The following EIF2AK2 variants were observed in gnomAD, a reference collection of about 807,000 sequenced individuals.
The protein encoded by EIF2AK2 is eukaryotic translation initiation factor 2 alpha kinase 2, also known as interferon-induced, double-stranded RNA-activated protein kinase.
In EIF2AK2, 40 loss-of-function variants were observed where a neutral mutation model predicts 70.5. That is an observed-to-expected ratio of 0.57 (90% CI 0.44 to 0.74). The LOEUF (loss-of-function observed/expected upper bound fraction) is 0.74. Ranked by LOEUF, EIF2AK2 falls within the 30% of genes least tolerant of loss-of-function variation. The pLI is 0.00. For missense variants in EIF2AK2, 555 were observed against 644.3 expected, an observed-to-expected ratio of 0.86 and a Z score of 1.50; for synonymous variants, 198 against 220.9, an observed-to-expected ratio of 0.90 and a Z score of 0.92.
rs1673936403 is a variant in EIF2AK2, at chr2:37,105,545, A to T, written c.*1728T>A. The stretch of plus-strand genomic sequence containing the variant: ...CGGGGAAGAAGCAGATGCTGGTGCC[A>T]TGTTTCTTGTACAGCCTGCAGAACT... On this transcript the variant is annotated 3_prime_UTR_variant, in exon 17 of 17. Coordinates refer to ENST00000233057, the MANE Select transcript of EIF2AK2 (RefSeq NM_001135651.3). 6.6e-6 allele frequency: 1 copy of T among 152,300 alleles called. No individual in the cohort carries two copies. Among genetic ancestry groups the T allele is most frequent in the Admixed American group, 6.5e-5 (1 of 15,280 alleles). 9.4% of individuals were successfully genotyped at this position (152,300 alleles called of 1,614,324 possible). A position where few individuals can be genotyped will look rare whatever the true frequency, so the allele number is the denominator to read the frequency against.
chr2:37,120,896 A>G (rs1674520419), intron 12 of EIF2AK2, among the ~76,000 whole-genome samples: 1 of 148,822 alleles, frequency 6.7e-6, no homozygotes, highest in Admixed American at 6.9e-5. Context: ...CCCAGAAGGC[A>G]GAGATTGCAG....
intron 10 of EIF2AK2, 119 bp downstream of exon 10, chr2:37,135,365 T>C (rs1675091245): frequency 1.3e-6 from 1 of 791,746 alleles, no homozygotes; most frequent in Non-Finnish European, 2.1e-6. Flanking sequence ...TTACCCTGCG[T>C]AGTTAATCTT....
At chr2:37,148,151 C>G (rs1675619835) in intron 2 of EIF2AK2, among the ~76,000 whole-genome samples, 1 of 152,076 alleles carries the variant, frequency 6.6e-6, no homozygotes, top group Admixed American at 6.6e-5. Context: ...AACCCCATCT[C>G]AATTTTGAAA....
At chr2:37,154,705 C>G (rs4670664) in intron 1 of EIF2AK2, among the ~76,000 whole-genome samples, 62,414 of 151,590 alleles carry the variant, frequency 0.41, 13,523 homozygotes, top group East Asian at 0.77. Flanking sequence ...GGATTACAGG[C>G]GCCCACCACC....
chr2:37,107,690 C>G (rs1245402752), intron 15 of EIF2AK2, among the ~76,000 whole-genome samples, 163 bp from the exon 16 acceptor site: 2 of 152,154 alleles, frequency 1.3e-5, no homozygotes, highest in Non-Finnish European at 2.9e-5. Context: ...TACACTACCC[C>G]CAATCTAATA....
chr2:37,107,612 T>C (rs1674006827), intron 15 of EIF2AK2, 85 bp from the exon 16 acceptor site: 1 of 1,444,264 alleles, frequency 6.9e-7, no homozygotes, highest in African/African-American at 1.4e-5. Context: ...ATACCTGAAA[T>C]GTAGGATATT....
At chr2:37,152,900 C>T (rs755984160) in intron 1 of EIF2AK2, among the ~76,000 whole-genome samples, 1 of 152,212 alleles carries the variant, frequency 6.6e-6, no homozygotes, top group African/African-American at 2.4e-5. Context: ...CACCATCTAT[C>T]CAAGTCTGAA....
intron 10 of EIF2AK2, among the ~76,000 whole-genome samples, chr2:37,131,202 C>A (rs955496434): frequency 2.0e-5 from 3 of 152,180 alleles, no homozygotes; most frequent in Non-Finnish European, 2.9e-5. Context: ...CTAAAATGTG[C>A]CTTATTACAG....
chr2:37,130,910 C>G (rs766056576), intron 10 of EIF2AK2, among the ~76,000 whole-genome samples: 3 of 152,190 alleles, frequency 2.0e-5, no homozygotes, highest in Non-Finnish European at 2.9e-5. Context: ...TACCAGATAT[C>G]CAAAAGGAAG....
Position 37,101,040 on chromosome 2 carries a change from C to G in EIF2AK2, c.*6233G>C, listed in dbSNP as rs1673815580. ...TCTTTGATGCTTACCTTTCCTTAAT[C>G]CCCACATCCAATTAGTTGCCAACTC... On this transcript the variant is annotated 3_prime_UTR_variant, in exon 17 of 17. Coordinates refer to ENST00000233057, the MANE Select transcript of EIF2AK2 (RefSeq NM_001135651.3). 6.6e-6 allele frequency: 1 copy of G among 152,222 alleles called. No homozygotes were observed. Among genetic ancestry groups the G allele is most frequent in the African/African-American group, 2.4e-5 (1 of 41,452 alleles). The allele number at this position is 152,222 out of a possible 1,614,324, so 9.4% of individuals were successfully genotyped here.
intron 10 of EIF2AK2, among the ~76,000 whole-genome samples, chr2:37,134,386 C>A (rs904062225): frequency 6.6e-6 from 1 of 152,144 alleles, no homozygotes; most frequent in East Asian, 1.9e-4. Context: ...CCAATGCAAC[C>A]GCATTATCAT....
intron 1 of EIF2AK2, 193 bp from the exon 2 acceptor site, chr2:37,149,216 G>C (rs1675659948): frequency 9.0e-7 from 1 of 1,111,674 alleles, no homozygotes; most frequent in East Asian, 2.4e-5. Flanking sequence ...CAAGTGTGGA[G>C]CTGAATGCCA....
At chr2:37,130,531 C>T (rs1674903810) in intron 10 of EIF2AK2, among the ~76,000 whole-genome samples, 1 of 152,232 alleles carries the variant, frequency 6.6e-6, no homozygotes, top group African/African-American at 2.4e-5. Flanking sequence ...TTCTGTTTGT[C>T]CTGTTGTCCC....
In EIF2AK2 at chr2:37,106,423, C is replaced by A. The variant is rs1393099766; in HGVS notation, c.*850G>T. 1 of 151,460 alleles carries A rather than the reference C, an allele frequency of 6.6e-6. No individual in the cohort carries two copies. Among genetic ancestry groups the A allele is most frequent in the East Asian group, 1.9e-4 (1 of 5,176 alleles). 9.4% of individuals were successfully genotyped at this position (151,460 alleles called of 1,614,324 possible). A position where few individuals can be genotyped will look rare whatever the true frequency, so the allele number is the denominator to read the frequency against. On this transcript the variant is annotated 3_prime_UTR_variant, in exon 17 of 17. Coordinates refer to ENST00000233057, the MANE Select transcript of EIF2AK2 (RefSeq NM_001135651.3). The stretch of plus-strand genomic sequence containing the variant: ...CTTTTGATGTGCATTATGGTTGTTC[C>A]CTGTTCTTTTGGCTATTATAAACAG...
At position 37,122,449 on chromosome 2, in the gene EIF2AK2, A is replaced by C. The variant is rs1463738736; in HGVS notation, c.1067+57T>G. The C allele has an allele frequency of 3.2e-6, 5 of 1,574,338 alleles. No homozygotes were observed. In the African/African-American group the frequency reaches 6.8e-5, roughly 21 times the overall value. ...TAGCCTTATCCAGTGGCCCATACAT[A>C]GTAAATAACAATTTCCTTCCATCCT... is the stretch of plus-strand genomic sequence containing the variant. On this transcript the variant is annotated intron_variant, in intron 12 of 16. Transcript: ENST00000233057.
At position 37,099,265 on chromosome 2, in the gene EIF2AK2, T is replaced by G. The variant is rs1673764103; in HGVS notation, c.*8008A>C. On this transcript the variant is annotated 3_prime_UTR_variant, in exon 17 of 17. Transcript: ENST00000233057. ...TGTTATTTGTTAAACATTTAATTGTTGAGATTTGAAAATGAACATTATTAT... is the reference window on the plus strand; with the variant it reads ...TGTTATTTGTTAAACATTTAATTGTGGAGATTTGAAAATGAACATTATTAT... 6.6e-6 allele frequency: 1 copy of G among 152,218 alleles called. No homozygotes were observed. Among genetic ancestry groups the G allele is most frequent in the Admixed American group, 6.5e-5 (1 of 15,288 alleles). 9.4% of individuals were successfully genotyped at this position (152,218 alleles called of 1,614,324 possible). A position where few individuals can be genotyped will look rare whatever the true frequency, so the allele number is the denominator to read the frequency against.
intron 12 of EIF2AK2, among the ~76,000 whole-genome samples, chr2:37,121,115 T>G (rs1674530919): frequency 6.7e-6 from 1 of 148,378 alleles, no homozygotes; most frequent in Non-Finnish European, 1.5e-5. Context: ...TACAAAAAAT[T>G]AGCCGGGCGT....
At chr2:37,122,846 A>AG (rs1674603033) in intron 11 of EIF2AK2, among the ~76,000 whole-genome samples, 182 bp from the exon 12 acceptor site, 1 of 152,186 alleles carries the variant, frequency 6.6e-6, no homozygotes, top group Admixed American at 6.5e-5. Flanking sequence ...CTGAAAAAAA[A>AG]CATAGCAGTT....
chr2:37,148,601 A>T (rs1675638329), intron 2 of EIF2AK2: 1 of 840,676 alleles, frequency 1.2e-6, no homozygotes, highest in East Asian at 2.5e-5. Flanking sequence ...TACTTGTCAC[A>T]CAGGTTTTAA....
Sources: gnomAD v4.1 joint callset for allele counts (sites outside exome capture counted in the v4.1 genomes callset) on GRCh38, gnomAD v4.1.1 for gene constraint, MANE v1.5 for transcripts, NCBI Gene and HGNC (gene_info 2026-07-23, HGNC 2026-07-21) for gene names.